AKAP19: variants seen among roughly 807,000 people sequenced by gnomAD.
The protein encoded by AKAP19 is small A-kinase anchoring protein.
chr2:190,129,957 C>T, the AKAP19 span, among the ~76,000 whole-genome samples: 1 of 152,114 alleles, frequency 6.6e-6, no homozygotes, highest in African/African-American at 2.4e-5. Context: ...ACTTGGTTTA[C>T]AGAGGCCCTC....
chr2:190,048,611 A>G, the AKAP19 span, among the ~76,000 whole-genome samples: 2 of 152,238 alleles, frequency 1.3e-5, no homozygotes, highest in Non-Finnish European at 2.9e-5. Flanking sequence ...ACATTTTTTA[A>G]AAAACCTTCC....
the AKAP19 span, among the ~76,000 whole-genome samples, chr2:189,954,974 G>T: frequency 6.6e-6 from 1 of 152,060 alleles, no homozygotes; most frequent in Non-Finnish European, 1.5e-5. Flanking sequence ...GGACTTAGGG[G>T]TACAAGTACA....
chr2:189,923,288 C>A, the AKAP19 span: 18 of 1,532,714 alleles, frequency 1.2e-5, no homozygotes, highest in Non-Finnish European at 1.4e-5. Flanking sequence ...TCTCTTCTCC[C>A]TCCCCTTCTT....
chr2:190,183,970 A>G, the AKAP19 span, among the ~76,000 whole-genome samples: 1 of 152,142 alleles, frequency 6.6e-6, no homozygotes, highest in East Asian at 1.9e-4. Flanking sequence ...TTTTAAAATG[A>G]GCCTTTCTTA....
the AKAP19 span, among the ~76,000 whole-genome samples, chr2:189,926,507 C>T: frequency 6.6e-6 from 1 of 150,732 alleles, no homozygotes; most frequent in South Asian, 2.1e-4. Context: ...AGGGTGGTCT[C>T]GATCTGCTGA....
the AKAP19 span, among the ~76,000 whole-genome samples, chr2:189,881,691 TGG>T: frequency 1.4e-4 from 21 of 151,762 alleles, no homozygotes; most frequent in Admixed American, 3.9e-4. Flanking sequence ...TTAGGAAAAA[TGG>T]GGAAAAAGAA....
the AKAP19 span, among the ~76,000 whole-genome samples, chr2:190,098,193 G>T: frequency 1.2e-3 from 177 of 152,168 alleles, 1 homozygote; most frequent in Middle Eastern, 3.4e-3. Flanking sequence ...TTTATCAGAG[G>T]AATCACCGTC....
At chr2:189,926,436 A>G in the AKAP19 span, among the ~76,000 whole-genome samples, 3 of 151,748 alleles carry the variant, frequency 2.0e-5, no homozygotes, top group African/African-American at 4.8e-5. Flanking sequence ...ACAAGCGCCC[A>G]CTACCATGCC....
chr2:190,174,870 A>T, the AKAP19 span, among the ~76,000 whole-genome samples: 1 of 152,240 alleles, frequency 6.6e-6, no homozygotes, highest in Non-Finnish European at 1.5e-5. Flanking sequence ...CCCAAGCAGT[A>T]ATGTTCTTCT....
At chr2:189,970,567 C>T in the AKAP19 span, among the ~76,000 whole-genome samples, 1 of 152,132 alleles carries the variant, frequency 6.6e-6, no homozygotes, top group Non-Finnish European at 1.5e-5. Context: ...AACCCTATTT[C>T]ATTCATTTTT....
chr2:190,038,813 A>G, the AKAP19 span, among the ~76,000 whole-genome samples: 3 of 152,102 alleles, frequency 2.0e-5, no homozygotes, highest in African/African-American at 7.2e-5. Context: ...AAAAAGAAAA[A>G]CATTGTGTGG....
At chr2:190,107,420 A>AT in the AKAP19 span, among the ~76,000 whole-genome samples, 4,463 of 150,678 alleles carry the variant, frequency 0.03, 251 homozygotes, top group African/African-American at 0.1. Context: ...TGATTCCAGT[A>AT]TTTTTTTTTT....
chr2:190,180,435 G>A, the AKAP19 span: 13 of 981,116 alleles, frequency 1.3e-5, no homozygotes, highest in Non-Finnish European at 1.6e-5. The surrounding 1 kb of genome is among the most constrained non-coding windows in gnomAD (Gnocchi z 6.8). Context: ...CAGCCCAGGG[G>A]GCCGAGACCA....
chr2:190,094,932 A>G, the AKAP19 span, among the ~76,000 whole-genome samples: 1 of 152,244 alleles, frequency 6.6e-6, no homozygotes, highest in East Asian at 1.9e-4. Context: ...GATAAGTTGA[A>G]AGAGTAAATA....
chr2:189,925,839 A>G, the AKAP19 span, among the ~76,000 whole-genome samples: 3 of 152,170 alleles, frequency 2.0e-5, no homozygotes, highest in Non-Finnish European at 1.5e-5. Context: ...AAGAAAATAT[A>G]CATTATCAAA....
At chr2:190,051,793 A>G in the AKAP19 span, among the ~76,000 whole-genome samples, 17 of 149,758 alleles carry the variant, frequency 1.1e-4, no homozygotes, top group Non-Finnish European at 1.6e-4. Context: ...GGAGGAGTAC[A>G]CTCATCTGCT....
At chr2:190,053,124 T>C in the AKAP19 span, among the ~76,000 whole-genome samples, 1 of 152,210 alleles carries the variant, frequency 6.6e-6, no homozygotes, top group Non-Finnish European at 1.5e-5. Context: ...GTGTCTTGCA[T>C]CATTGCCAAA....
chr2:189,986,530 A>G, the AKAP19 span, among the ~76,000 whole-genome samples: 2 of 152,104 alleles, frequency 1.3e-5, no homozygotes, highest in East Asian at 3.9e-4. Context: ...GAAATCTAAA[A>G]TATAGGGGCA....
At chr2:189,979,610 A>C in the AKAP19 span, among the ~76,000 whole-genome samples, 1 of 152,058 alleles carries the variant, frequency 6.6e-6, no homozygotes, top group Non-Finnish European at 1.5e-5. Context: ...ATCTCTGTAT[A>C]GCAGAATCAA....
Sources: gnomAD v4.1 joint callset for allele counts (sites outside exome capture counted in the v4.1 genomes callset) on GRCh38, gnomAD v4.1.1 for gene constraint, Gnocchi (gnomAD v3.1) non-coding constraint, MANE v1.5 for transcripts, NCBI Gene and HGNC (gene_info 2026-07-23, HGNC 2026-07-21) for gene names.